Variants in TRIM55 observed in about 807,000 individuals in gnomAD.
The protein encoded by TRIM55 is tripartite motif containing 55.
A neutral mutation model predicts 60.9 loss-of-function variants in TRIM55; 50 were observed. That is an observed-to-expected ratio of 0.82 (90% CI 0.65 to 1.04). The LOEUF (loss-of-function observed/expected upper bound fraction) is 1.04. Ranked by LOEUF, TRIM55 falls within the 50% of genes least tolerant of loss-of-function variation. The pLI, the probability that TRIM55 is intolerant of heterozygous loss-of-function variation, is 0.00. For synonymous variants in TRIM55, 237 were observed against 238.1 expected, an observed-to-expected ratio of 1.00 and a Z score of 0.04; for missense variants, 681 against 666.9, an observed-to-expected ratio of 1.02 and a Z score of -0.23.
chr8:66,134,883 C>A, intron 2 of TRIM55, 107 bp from the exon 3 acceptor site: 2 of 1,183,838 alleles, frequency 1.7e-6, no homozygotes, highest in Non-Finnish European at 1.2e-6. Flanking sequence ...AATTGCTGGG[C>A]ATACAGGGAA....
chr8:66,145,963 C>T (rs1387792164), intron 4 of TRIM55, among the ~76,000 whole-genome samples: 4 of 152,140 alleles, frequency 2.6e-5, no homozygotes, highest in Non-Finnish European at 5.9e-5. Context: ...AATAAATGGT[C>T]GGATGGCCTT....
At chr8:66,114,205 T>G in the TRIM55 span, among the ~76,000 whole-genome samples, 1 of 151,262 alleles carries the variant, frequency 6.6e-6, no homozygotes, top group Non-Finnish European at 1.5e-5. Flanking sequence ...TTAGCTCAAA[T>G]GGTAGAGCGC....
At chr8:66,123,955 A>C (rs1440190296), upstream of TRIM55, among the ~76,000 whole-genome samples, 1 of 152,002 alleles carries the variant, frequency 6.6e-6, no homozygotes, top group Admixed American at 6.5e-5. Context: ...CAGAACTGAA[A>C]TCCTCCTAGG....
At chr8:66,120,777 T>G in the TRIM55 span, among the ~76,000 whole-genome samples, 1 of 152,200 alleles carries the variant, frequency 6.6e-6, no homozygotes, top group African/African-American at 2.4e-5. Flanking sequence ...TAATTTGTAT[T>G]CTTTTTGGCT....
At chr8:66,165,289 G>A (rs1811266782) in intron 9 of TRIM55, among the ~76,000 whole-genome samples, 1 of 152,150 alleles carries the variant, frequency 6.6e-6, no homozygotes, top group Admixed American at 6.5e-5. Flanking sequence ...TTGAGACCAA[G>A]CTATACATTC....
At chr8:66,160,355 T>TGG (rs1282201760) in intron 9 of TRIM55, among the ~76,000 whole-genome samples, 1 of 121,210 alleles carries the variant, frequency 8.3e-6, no homozygotes, top group Non-Finnish European at 1.6e-5. Context: ...TAGTATTCCA[T>TGG]GGTGTGTGTG....
chr8:66,138,998 G>A (rs74986662), intron 4 of TRIM55, among the ~76,000 whole-genome samples: 3,790 of 152,028 alleles, frequency 0.025, 138 homozygotes, highest in African/African-American at 0.085. Flanking sequence ...AATCAATCTC[G>A]TTTCTTCTCC....
intron 4 of TRIM55, among the ~76,000 whole-genome samples, chr8:66,138,711 T>C (rs1809628948): frequency 6.6e-6 from 1 of 152,180 alleles, no homozygotes; most frequent in South Asian, 2.1e-4. Context: ...TTAAGATCCA[T>C]TCGTGTTGCT....
chr8:66,154,730 C>T (rs1396868168), intron 9 of TRIM55, among the ~76,000 whole-genome samples: 1 of 152,230 alleles, frequency 6.6e-6, no homozygotes, highest in Non-Finnish European at 1.5e-5. Flanking sequence ...AAAGACTAAT[C>T]CCCTGCTTTT....
chr8:66,151,143 T>A (rs7818902), intron 7 of TRIM55, among the ~76,000 whole-genome samples: 35,113 of 152,108 alleles, frequency 0.23, 8,132 homozygotes, highest in African/African-American at 0.6. Context: ...GGCATGTGGG[T>A]TAGATATTGC....
chr8:66,139,273 A>G (rs977468255), intron 4 of TRIM55, among the ~76,000 whole-genome samples: 1 of 152,142 alleles, frequency 6.6e-6, no homozygotes, highest in African/African-American at 2.4e-5. Context: ...TTTACCGGAG[A>G]TGTCTGTTGG....
At chr8:66,167,168 C>T (rs1309462779) in intron 9 of TRIM55, among the ~76,000 whole-genome samples, 1 of 152,194 alleles carries the variant, frequency 6.6e-6, no homozygotes, top group Admixed American at 6.5e-5. Flanking sequence ...ATGAACAACT[C>T]TTGGCACTTT....
chr8:66,149,533 G>T, intron 4 of TRIM55, 112 bp from the exon 5 acceptor site: 1 of 869,266 alleles, frequency 1.2e-6, no homozygotes, highest in Non-Finnish European at 1.8e-6. Context: ...TCAGGGAAAA[G>T]AAAAAAATAT....
chr8:66,120,761 C>T, the TRIM55 span, among the ~76,000 whole-genome samples: 17 of 152,250 alleles, frequency 1.1e-4, no homozygotes, highest in Middle Eastern at 3.4e-3. Context: ...TTCTTTTGGC[C>T]GGTCTTAATT....
intron 5 of TRIM55, 94 bp from the exon 6 acceptor site, chr8:66,150,123 T>C: frequency 7.0e-7 from 1 of 1,425,598 alleles, no homozygotes; most frequent in Non-Finnish European, 9.7e-7. Context: ...AACTAAGCTA[T>C]GAGATTCTCA....
At chr8:66,116,470 G>A in the TRIM55 span, among the ~76,000 whole-genome samples, 101 of 151,890 alleles carry the variant, frequency 6.6e-4, no homozygotes, top group African/African-American at 1.8e-3. Context: ...AGCTGCGTGC[G>A]GTGGCGTGTA....
Position 66,127,130 on chromosome 8 carries a change from G to A in TRIM55, c.-139G>A, listed in dbSNP as rs1325862136. 1.1e-6 allele frequency: 1 copy of A among 940,364 alleles called. No individual in the cohort carries two copies. Among genetic ancestry groups the A allele is most frequent in the Admixed American group, 2.9e-5 (1 of 34,514 alleles). 58.3% of individuals were successfully genotyped at this position (940,364 alleles called of 1,614,324 possible). A position where few individuals can be genotyped will look rare whatever the true frequency, so the allele number is the denominator to read the frequency against. ...CAGCTCCAGCACCCACTCCAAACCA[G>A]GGCCTGAAACAATGTCCTCCACCGA... On this transcript the variant is annotated 5_prime_UTR_variant, in exon 1 of 10. Coordinates refer to ENST00000315962, the MANE Select transcript of TRIM55 (RefSeq NM_184085.2).
chr8:66,133,722 A>G (rs1400328538), intron 2 of TRIM55, among the ~76,000 whole-genome samples: 1 of 152,210 alleles, frequency 6.6e-6, no homozygotes, highest in African/African-American at 2.4e-5. Context: ...CAACTTATAA[A>G]GGAACATTAG....
intron 8 of TRIM55, among the ~76,000 whole-genome samples, chr8:66,152,869 T>C (rs1810518948): frequency 6.6e-6 from 1 of 151,606 alleles, no homozygotes; most frequent in Non-Finnish European, 1.5e-5. Flanking sequence ...CCACCAGTAA[T>C]GCCCTCAAAT....
Sources: gnomAD v4.1 joint callset for allele counts (sites outside exome capture counted in the v4.1 genomes callset) on GRCh38, gnomAD v4.1.1 for gene constraint, MANE v1.5 for transcripts, NCBI Gene and HGNC (gene_info 2026-07-23, HGNC 2026-07-21) for gene names.